DLG2: variants seen among roughly 807,000 people sequenced by gnomAD.
The protein encoded by DLG2 is disks large homolog 2.
Under a neutral mutation model 132.5 loss-of-function variants are expected in DLG2, and 45 were observed. The observed-to-expected ratio is 0.34, with a 90% CI of 0.27 to 0.44. DLG2 has a LOEUF of 0.44. Among genes scored for constraint, DLG2 ranks in the 20% least tolerant of loss-of-function variants. The pLI is 1.00. For synonymous variants in DLG2, 424 were observed against 419.6 expected, an observed-to-expected ratio of 1.01 and a Z score of -0.13; for missense variants, 1,045 against 1,196.9, an observed-to-expected ratio of 0.87 and a Z score of 1.87.
intron 6 of DLG2, among the ~76,000 whole-genome samples, chr11:84,932,812 C>T (rs540236573): frequency 1.5e-4 from 23 of 152,124 alleles, no homozygotes; most frequent in Admixed American, 5.9e-4. Flanking sequence ...AATAGTGCTG[C>T]GATAAACATG....
At chr11:83,946,166 T>G (rs972771761) in intron 14 of DLG2, among the ~76,000 whole-genome samples, 11 of 151,976 alleles carry the variant, frequency 7.2e-5, no homozygotes, top group Non-Finnish European at 1.6e-4. Flanking sequence ...ATTTCCGTAT[T>G]TTTAGGAGAG....
chr11:84,997,006 C>G (rs1307235626), intron 6 of DLG2, among the ~76,000 whole-genome samples: 2 of 152,066 alleles, frequency 1.3e-5, no homozygotes, highest in African/African-American at 4.8e-5. Flanking sequence ...TGCAGTAGTG[C>G]TGAGAAGGGG....
intron 8 of DLG2, among the ~76,000 whole-genome samples, chr11:84,212,232 A>G (rs2096765981): frequency 2.0e-5 from 3 of 152,350 alleles, no homozygotes; most frequent in South Asian, 4.1e-4. Context: ...ATTAAACATA[A>G]TTTACCAATT....
rs1414599025 is a variant in DLG2 at position 83,633,215 on chromosome 11, C to T, written c.1936G>A (p.Val646Ile). 10 of 1,613,516 alleles carry T rather than the reference C, an allele frequency of 6.2e-6. No homozygotes were observed. The highest frequency in any genetic ancestry group is 1.7e-5 in the Admixed American group (1 of 59,960). ...LRTNQKRSLY[V>I]RAMFDYDKSK... ...GAGAAATACTCCTTTGCCTACCTGA[C>T]GTAGAGGGAGCGTTTCTGATTGGTT... The change falls in exon 19 of 28, where the codon GTC becomes ATC. Residue 646 changes from valine to isoleucine, a missense_variant. By Grantham distance (29) the Val-to-Ile change is conservative (BLOSUM62 3). Around this residue, in one of 4 missense-constraint regions of DLG2, gnomAD observed 398 missense variants for 543.6 expected, o/e 0.73. Transcript: ENST00000376104.
At chr11:84,858,508 T>A (rs1256392824) in intron 6 of DLG2, among the ~76,000 whole-genome samples, 1 of 152,100 alleles carries the variant, frequency 6.6e-6, no homozygotes, top group Non-Finnish European at 1.5e-5. Context: ...CTCTTCTTAC[T>A]GATAGAGATG....
At chr11:85,159,703 G>C (rs938720203) in intron 4 of DLG2, among the ~76,000 whole-genome samples, 1 of 152,190 alleles carries the variant, frequency 6.6e-6, no homozygotes, top group Non-Finnish European at 1.5e-5. Context: ...GCAGCCATTG[G>C]CTTGGCAAAT....
Position 84,872,543 on chromosome 11 carries a change from T to A in DLG2, c.357+239118A>T, listed in dbSNP as rs145831297. On this transcript the variant is annotated intron_variant, in intron 6 of 27. Coordinates refer to ENST00000376104, the MANE Select transcript of DLG2 (RefSeq NM_001142699.3). ...TACACACAATGCCCTCGTAGCAAAG[T>A]GTAAGTATTGCCCAGTTTTATTAAG... Among the ~76,000 whole-genome samples the A allele has an allele frequency of 2.2e-3, 330 of 152,290 alleles. 3 individuals carry two copies. Among genetic ancestry groups the A allele is most frequent in the Admixed American group, 4.6e-3 (71 of 15,298 alleles).
intron 6 of DLG2, chr11:85,021,082 T>A (rs1047148227): frequency 4.5e-5 from 35 of 775,768 alleles, no homozygotes; most frequent in South Asian, 1.1e-4. Context: ...TTTTGTTTTA[T>A]CTTGGTCAAC....
intron 19 of DLG2, among the ~76,000 whole-genome samples, chr11:83,592,389 G>T (rs2097203548): frequency 6.8e-6 from 1 of 147,966 alleles, no homozygotes; most frequent in East Asian, 2.1e-4. Flanking sequence ...ACAAGCAATG[G>T]GGAAAGGATT....
chr11:84,332,840 T>G lies in DLG2; in HGVS notation c.520-81549A>C, dbSNP rs1315969833. On this transcript the variant is annotated intron_variant, in intron 7 of 27. Coordinates refer to ENST00000376104, the MANE Select transcript of DLG2 (RefSeq NM_001142699.3). ...GGACCTTGATGCAATGCCCATATCC[T>G]TCTCCACTGGTATGGTTACTGTGCC... is the stretch of plus-strand genomic sequence containing the variant. 3.9e-5 allele frequency among the ~76,000 whole-genome samples: 6 copies of G among 152,306 alleles called. No homozygotes were observed. In the East Asian group the frequency reaches 1.2e-3, roughly 29 times the overall value.
At chr11:83,798,759 G>A (rs2043516835) in intron 17 of DLG2, among the ~76,000 whole-genome samples, 1 of 152,176 alleles carries the variant, frequency 6.6e-6, no homozygotes, top group Non-Finnish European at 1.5e-5. Flanking sequence ...ACCATGGATA[G>A]GAAGATGAAC....
chr11:84,438,057 C>A (rs2099006285), intron 7 of DLG2, among the ~76,000 whole-genome samples: 1 of 152,152 alleles, frequency 6.6e-6, no homozygotes, highest in South Asian at 2.1e-4. Flanking sequence ...CCTGCAGGCA[C>A]AAACAGGTGT....
At chr11:83,821,226 G>T (rs1328169487) in intron 17 of DLG2, among the ~76,000 whole-genome samples, 2 of 152,182 alleles carry the variant, frequency 1.3e-5, no homozygotes, top group Non-Finnish European at 2.9e-5. Flanking sequence ...GGCCAATGCT[G>T]CCCTTGGGAA....
chr11:84,565,960 G>T (rs2099452801), intron 6 of DLG2, among the ~76,000 whole-genome samples: 3 of 139,470 alleles, frequency 2.2e-5, no homozygotes, highest in African/African-American at 2.7e-5. Flanking sequence ...ATATGATGAA[G>T]TTTTTTTTTT....
At chr11:84,357,055 G>A (rs1216189795) in intron 7 of DLG2, among the ~76,000 whole-genome samples, 1 of 151,968 alleles carries the variant, frequency 6.6e-6, no homozygotes, top group East Asian at 1.9e-4. Context: ...CGAGGTAGGA[G>A]AGGTGAGCAA....
At chr11:84,100,432 T>C (rs2092422774) in intron 9 of DLG2, among the ~76,000 whole-genome samples, 1 of 151,278 alleles carries the variant, frequency 6.6e-6, no homozygotes, top group Non-Finnish European at 1.5e-5. Context: ...TAGTCTCCTT[T>C]ACTCCCCATC....
At position 84,292,714 on chromosome 11, in the gene DLG2, G is replaced by A. The variant is rs577825216; in HGVS notation, c.520-41423C>T. Among the ~76,000 whole-genome samples, 5 of 152,172 alleles carry A rather than the reference G, an allele frequency of 3.3e-5. No homozygotes were observed. The South Asian group carries it at 8.3e-4, about 25-fold the overall frequency. ...ATAGAGAATGAAAGTTTAGATGCGA[G>A]AAATTACATACTATATCCAAAAGGT... On this transcript the variant is annotated intron_variant, in intron 7 of 27. Transcript: ENST00000376104.
chr11:84,591,329 T>G (rs1428211158), intron 6 of DLG2, among the ~76,000 whole-genome samples: 3 of 149,064 alleles, frequency 2.0e-5, no homozygotes, highest in East Asian at 2.0e-4. Flanking sequence ...TTTTTTTTTG[T>G]TTTGTTTGTT....
intron 14 of DLG2, among the ~76,000 whole-genome samples, chr11:83,956,756 A>G (rs2154152277): frequency 6.6e-6 from 1 of 152,368 alleles, no homozygotes; most frequent in African/African-American, 2.4e-5. Flanking sequence ...AGAGGCTAGA[A>G]CATGCTTGTA....
Sources: allele counts gnomAD v4.1 joint callset (sites outside exome capture counted in the v4.1 genomes callset), GRCh38; gene constraint gnomAD v4.1.1; regional missense constraint gnomAD v4.1.1; transcripts MANE v1.5; gene names NCBI Gene and HGNC (gene_info 2026-07-23, HGNC 2026-07-21).